Variants in MASP2 observed in about 807,000 individuals in gnomAD.
The protein encoded by MASP2 is MBL associated serine protease 2, also known as mannan-binding lectin serine protease 2.
In MASP2, 49 loss-of-function variants were observed where a neutral mutation model predicts 57.1. That is an observed-to-expected ratio of 0.86 (90% CI 0.68 to 1.09). MASP2 has a LOEUF of 1.09. Among genes scored for constraint, MASP2 ranks in the 50% least tolerant of loss-of-function variants. The probability of loss-of-function intolerance (pLI) is 0.00; values close to 1 mark genes in which losing one functional copy is unlikely to be tolerated. For synonymous variants in MASP2, 379 were observed against 340.8 expected, an observed-to-expected ratio of 1.11 and a Z score of -1.24; for missense variants, 900 against 874.8, an observed-to-expected ratio of 1.03 and a Z score of -0.36.
chr1:11,047,067 G>A lies in MASP2; in HGVS notation c.58C>T (p.Pro20Ser). 6.5e-7 allele frequency: 1 copy of A among 1,549,990 alleles called. No homozygotes were observed. The highest frequency in any genetic ancestry group is 8.7e-7 in the Non-Finnish European group (1 of 1,146,858). ...LCGSVATPLG[P>S]KWPEPVFGRL... ...CCGAACACAGGTTCAGGCCACTTCG[G>A]GCCCAAGGGGGTGGCCACCGAGCCA... The change falls in exon 2 of 11, where the codon CCG becomes TCG. Residue 20 changes from proline to serine, a missense_variant. Coordinates refer to ENST00000400897, the MANE Select transcript of MASP2 (RefSeq NM_006610.4).
At chr1:11,045,321 C>A in intron 4 of MASP2, 87 bp downstream of exon 4, 1 of 1,591,270 alleles carries the variant, frequency 6.3e-7, no homozygotes. Context: ...CCAGGCCCTC[C>A]GCACCCCTGG....
At chr1:11,032,723 A>G (rs554461311) in intron 8 of MASP2, among the ~76,000 whole-genome samples, 6 of 152,242 alleles carry the variant, frequency 3.9e-5, no homozygotes, top group African/African-American at 1.4e-4. Context: ...AGCCTGGCCA[A>G]CATGGTGAAA....
chr1:11,047,138 C>T lies in MASP2; in HGVS notation c.6-19G>A, dbSNP rs1379700792. On this transcript the variant is annotated intron_variant, in intron 1 of 10. Coordinates refer to ENST00000400897, the MANE Select transcript of MASP2 (RefSeq NM_006610.4). The stretch of plus-strand genomic sequence containing the variant: ...CAGCAGCCTATGGGCAGGGCAGGGG[C>T]GGTGAGGGCCCAGGCCTGTGCTCCC... The T allele has an allele frequency of 3.7e-5, 57 of 1,548,224 alleles. No individual in the cohort carries two copies. Among genetic ancestry groups the T allele is most frequent in the Non-Finnish European group, 4.4e-5 (50 of 1,146,080 alleles).
chr1:11,041,404 G>GTGGA (rs77143957), intron 6 of MASP2, among the ~76,000 whole-genome samples: 13,995 of 120,666 alleles, frequency 0.12, 2,572 homozygotes, highest in African/African-American at 0.42. Context: ...GGATGGATGA[G>GTGGA]TGGATGGATG....
intron 5 of MASP2, 112 bp from the exon 6 acceptor site, chr1:11,043,134 G>A: frequency 8.1e-7 from 1 of 1,234,036 alleles, no homozygotes. Context: ...GGCCAACCCA[G>A]GCCATGGATT....
intron 9 of MASP2, 114 bp downstream of exon 9, chr1:11,030,634 G>A (rs1643827962): frequency 8.5e-7 from 1 of 1,173,584 alleles, no homozygotes. Flanking sequence ...GGGAGAAGTG[G>A]CTTTTAATCT....
intron 4 of MASP2, 116 bp from the exon 5 acceptor site, chr1:11,043,651 TC>T: frequency 1.4e-6 from 1 of 724,532 alleles, no homozygotes; most frequent in Non-Finnish European, 2.3e-6. Flanking sequence ...GGCTGGGACA[TC>T]TGCATCCCTG....
At chr1:11,044,763 C>A in intron 4 of MASP2, 1 of 1,244,728 alleles carries the variant, frequency 8.0e-7, no homozygotes, top group Non-Finnish European at 1.1e-6. Context: ...CCGCCGCCTC[C>A]CGACCCTCCC....
At position 11,045,447 on chromosome 1, in the gene MASP2, C is replaced by T. The variant is rs78019538; in HGVS notation, c.505G>A (p.Ala169Thr). ...TTGTTACGGTGCAGGACGTAGCCTG[C>T]GCGGCAGGAGCAGTAGAAACCGCCC... ...HLGGFYCSCR[A>T]GYVLHRNKRT... is the part of the protein sequence containing the mutation. The change falls in exon 4 of 11, where the codon GCA becomes ACA. Residue 169 changes from alanine (A) to threonine (T), a missense_variant. Physicochemically the swap from Ala to Thr is moderately conservative, Grantham distance 58. Coordinates refer to ENST00000400897, the MANE Select transcript of MASP2 (RefSeq NM_006610.4). 37 of 1,613,164 alleles carry T rather than the reference C, an allele frequency of 2.3e-5. No individual in the cohort carries two copies. The highest frequency in any genetic ancestry group is 1.3e-4 in the East Asian group (6 of 44,850).
chr1:11,037,825 AC>A lies in MASP2; in HGVS notation c.890-15del. The A allele has an allele frequency of 6.5e-7, 1 of 1,546,644 alleles. No homozygotes were observed. The highest frequency in any genetic ancestry group is 8.8e-7 in the Non-Finnish European group (1 of 1,130,832). On this transcript the variant is annotated splice_polypyrimidine_tract_variant and intron_variant, in intron 6 of 10. Transcript: ENST00000400897. ...GGCAAGGCTGCGCTGCGCAGAGGAA[AC>A]CAGGCTTGTTGGTTTTCATGTGGTC...
chr1:11,042,174 G>GGATAGATAGATA (rs1491331131), intron 6 of MASP2, among the ~76,000 whole-genome samples: 1 of 148,878 alleles, frequency 6.7e-6, no homozygotes, highest in African/African-American at 2.5e-5. Context: ...ATGGATGGAT[G>GGATAGATAGATA]GACAGACAGG....
intron 4 of MASP2, among the ~76,000 whole-genome samples, chr1:11,043,890 G>A (rs1198207535): frequency 6.9e-6 from 1 of 144,648 alleles, no homozygotes; most frequent in African/African-American, 2.5e-5. Flanking sequence ...CTAGAGCACT[G>A]AGTTCCACCA....
chr1:11,034,727 A>G, intron 8 of MASP2, 101 bp downstream of exon 8: 1 of 796,796 alleles, frequency 1.3e-6, no homozygotes, highest in Non-Finnish European at 1.9e-6. Context: ...GAAAGAAAAA[A>G]GAAAGTAAAC....
chr1:11,034,897 G>A lies in MASP2; in HGVS notation c.1018C>T (p.Pro340Ser). ...TGYELLQGHL[P>S]LKSFTAVCQK... is the part of the protein sequence containing the mutation. ...CAAACTGCAGTAAAGGATTTCAGGGGCAAGTGACCCTAAAGAAGAATTCAG... is the reference window on the plus strand; with the variant it reads ...CAAACTGCAGTAAAGGATTTCAGGGACAAGTGACCCTAAAGAAGAATTCAG... The change falls in exon 8 of 11, where the codon CCC (proline) becomes TCC (serine). Residue 340 changes from proline to serine, a missense_variant. By Grantham distance (74) the Pro-to-Ser change is moderately conservative. Transcript: ENST00000400897. The A allele has an allele frequency of 6.2e-7, 1 of 1,610,014 alleles. No individual in the cohort carries two copies. The highest frequency in any genetic ancestry group is 8.5e-7 in the Non-Finnish European group (1 of 1,177,438).
chr1:11,044,654 CGG>C (rs916611350), intron 4 of MASP2: 27 of 760,922 alleles, frequency 3.5e-5, no homozygotes, highest in African/African-American at 3.2e-4. Context: ...ATCTTCAAAA[CGG>C]GGGGTGAGGC....
Position 11,047,231 on chromosome 1 carries a change from GC to G in MASP2, c.-25del. 6.4e-7 allele frequency: 1 copy of G among 1,554,758 alleles called. No individual in the cohort carries two copies. The highest frequency in any genetic ancestry group is 2.4e-5 in the East Asian group (1 of 42,046). On this transcript the variant is annotated 5_prime_UTR_variant, in exon 1 of 11. Coordinates refer to ENST00000400897, the MANE Select transcript of MASP2 (RefSeq NM_006610.4). Reference sequence around the variant, plus strand: ...ATGGTGTGCCCGTCCAGCTGGCCTGGCCTGGTCTGCAGCCCTACGCTGGTCT... The same window carrying G: ...ATGGTGTGCCCGTCCAGCTGGCCTGGCTGGTCTGCAGCCCTACGCTGGTCT...
At chr1:11,043,243 A>G (rs72550851) in intron 5 of MASP2, 96 bp downstream of exon 5, 14,078 of 1,182,434 alleles carry the variant, frequency 0.012, 107 homozygotes, top group Non-Finnish European at 0.015. Context: ...ACCGAGGGTG[A>G]CGGGAACGTG....
chr1:11,036,266 A>G (rs533251689), intron 7 of MASP2, among the ~76,000 whole-genome samples: 37 of 152,074 alleles, frequency 2.4e-4, no homozygotes, highest in African/African-American at 8.9e-4. Context: ...GCACTTTGGG[A>G]GGCCGAGGCG....
At chr1:11,035,507 A>G (rs1643880201) in intron 7 of MASP2, among the ~76,000 whole-genome samples, 1 of 150,496 alleles carries the variant, frequency 6.6e-6, no homozygotes, top group Non-Finnish European at 1.5e-5. Flanking sequence ...AGCCTAGGTG[A>G]TAGAGTGAGA....
Sources: gnomAD v4.1 joint callset for allele counts (sites outside exome capture counted in the v4.1 genomes callset) on GRCh38, gnomAD v4.1.1 for gene constraint, MANE v1.5 for transcripts, NCBI Gene and HGNC (gene_info 2026-07-23, HGNC 2026-07-21) for gene names.